MACROD2: variants seen among roughly 807,000 people sequenced by gnomAD.
MACROD2 encodes the protein mono-ADP ribosylhydrolase 2, also known as ADP-ribose glycohydrolase MACROD2.
MACROD2 carries 36 observed loss-of-function variants against 70.4 expected under a neutral mutation model. The observed-to-expected ratio is 0.51, with a 90% CI of 0.39 to 0.68. The LOEUF (loss-of-function observed/expected upper bound fraction) is 0.68. Ranked by LOEUF, MACROD2 falls within the 30% of genes least tolerant of loss-of-function variation. The pLI, the probability that MACROD2 is intolerant of heterozygous loss-of-function variation, is 0.00. For synonymous variants in MACROD2, 172 were observed against 178.8 expected (o/e 0.96, Z 0.30); for missense variants, 496 against 538.4 (o/e 0.92, Z 0.78).
intron 5 of MACROD2, among the ~76,000 whole-genome samples, chr20:14,744,476 A>G (rs2071774119): frequency 6.6e-6 from 1 of 152,030 alleles, no homozygotes; most frequent in Non-Finnish European, 1.5e-5. Context: ...CACTTTACAT[A>G]CACTGTCTTA....
intron 3 of MACROD2, among the ~76,000 whole-genome samples, chr20:14,203,672 G>A (rs1486930459): frequency 6.6e-6 from 1 of 152,200 alleles, no homozygotes; most frequent in East Asian, 1.9e-4. Context: ...AATGGTGTGA[G>A]TTCCTTAGAG....
At chr20:14,402,715 C>G (rs2083650500) in intron 3 of MACROD2, among the ~76,000 whole-genome samples, 1 of 152,110 alleles carries the variant, frequency 6.6e-6, no homozygotes, top group East Asian at 1.9e-4. Flanking sequence ...TTAGAGTTGC[C>G]TAATAGGATC....
At chr20:14,226,678 T>TC (rs2081738618) in intron 3 of MACROD2, among the ~76,000 whole-genome samples, 1 of 151,986 alleles carries the variant, frequency 6.6e-6, no homozygotes. Flanking sequence ...GTGTACTGGG[T>TC]CCCCCAGCAG....
Position 15,485,408 on chromosome 20 carries a change from T to C in MACROD2, c.572-14366T>C, listed in dbSNP as rs571132373. On this transcript the variant is annotated intron_variant, in intron 7 of 17. Transcript: ENST00000684519. Reference sequence around the variant, plus strand: ...CTACTATGAGCACATCCTGAACTTCTTTTCCTGCCCCAGCAGGTTTTCCTG... The same window carrying C: ...CTACTATGAGCACATCCTGAACTTCCTTTCCTGCCCCAGCAGGTTTTCCTG... Among the ~76,000 whole-genome samples, 4 of 152,278 alleles carry C rather than the reference T, an allele frequency of 2.6e-5. No individual in the cohort carries two copies. The East Asian group carries it at 7.7e-4, about 29-fold the overall frequency.
At chr20:15,458,892 G>A (rs11906045) in intron 7 of MACROD2, among the ~76,000 whole-genome samples, 3,694 of 152,152 alleles carry the variant, frequency 0.024, 158 homozygotes, top group African/African-American at 0.082. Flanking sequence ...CCCCTCAGTG[G>A]TGCGTACTGT....
intron 6 of MACROD2, among the ~76,000 whole-genome samples, chr20:15,384,515 G>A (rs6043246): frequency 6.6e-6 from 1 of 152,086 alleles, no homozygotes; most frequent in Non-Finnish European, 1.5e-5. Flanking sequence ...ATGAAACCTC[G>A]TAAGTGTGAA....
chr20:14,697,644 CA>C, intron 5 of MACROD2, among the ~76,000 whole-genome samples: 1 of 152,278 alleles, frequency 6.6e-6, no homozygotes, highest in East Asian at 1.9e-4. Flanking sequence ...CCCATATTCT[CA>C]TTTTTTTTCT....
intron 3 of MACROD2, among the ~76,000 whole-genome samples, chr20:14,172,839 G>A (rs1361896306): frequency 1.3e-5 from 2 of 152,080 alleles, no homozygotes; most frequent in Non-Finnish European, 2.9e-5. Context: ...TGCTGGTTTG[G>A]TAGTGGTGAA....
chr20:14,049,182 A>AC (rs1443724412), intron 2 of MACROD2, among the ~76,000 whole-genome samples: 76 of 97,340 alleles, frequency 7.8e-4, no homozygotes, highest in African/African-American at 2.2e-3. Flanking sequence ...AATAAAAAAA[A>AC]AAAAAAACAA....
chr20:14,205,084 A>T (rs1234860353), intron 3 of MACROD2, among the ~76,000 whole-genome samples: 4 of 152,174 alleles, frequency 2.6e-5, no homozygotes, highest in Admixed American at 1.3e-4. Flanking sequence ...GAAAAGATAG[A>T]TTTGATCAAA....
intron 6 of MACROD2, among the ~76,000 whole-genome samples, chr20:15,378,283 G>GAAAA (rs11087133): frequency 2.3e-5 from 2 of 87,570 alleles, no homozygotes; most frequent in Admixed American, 2.5e-4. Context: ...CAATAAAATT[G>GAAAA]AAAAAAAAAA....
At chr20:15,537,334 G>A (rs181813818) in intron 8 of MACROD2, among the ~76,000 whole-genome samples, 1 of 152,048 alleles carries the variant, frequency 6.6e-6, no homozygotes, top group Admixed American at 6.5e-5. Context: ...AAATTACCCA[G>A]TCTTGGGTAT....
chr20:14,794,637 A>G (rs1048148986), intron 5 of MACROD2, among the ~76,000 whole-genome samples: 11 of 152,152 alleles, frequency 7.2e-5, no homozygotes, highest in Non-Finnish European at 1.0e-4. Context: ...ACAAGTTTGC[A>G]TGTTGTTGAA....
chr20:14,331,885 G>C (rs1040604316), intron 3 of MACROD2, among the ~76,000 whole-genome samples: 4 of 152,078 alleles, frequency 2.6e-5, no homozygotes, highest in African/African-American at 9.7e-5. Flanking sequence ...CATGGACACT[G>C]TGGCCAGGTT....
At chr20:14,404,609 T>A (rs961824061) in intron 3 of MACROD2, among the ~76,000 whole-genome samples, 8 of 132,758 alleles carry the variant, frequency 6.0e-5, no homozygotes, top group South Asian at 2.6e-4. Flanking sequence ...AAAAAAAAAA[T>A]AATAATATAT....
chr20:15,568,527 T>C (rs11906499), intron 8 of MACROD2, among the ~76,000 whole-genome samples: 2,558 of 152,246 alleles, frequency 0.017, 59 homozygotes, highest in African/African-American at 0.058. Flanking sequence ...ACCCTCAACA[T>C]AGGGCCTCTA....
At chr20:14,190,857 G>A (rs1021695545) in intron 3 of MACROD2, among the ~76,000 whole-genome samples, 7 of 150,622 alleles carry the variant, frequency 4.6e-5, no homozygotes, top group South Asian at 2.1e-4. Flanking sequence ...ATAGGCGCCC[G>A]CCACTACGCC....
chr20:14,252,260 G>T (rs546925736), intron 3 of MACROD2, among the ~76,000 whole-genome samples: 1 of 152,034 alleles, frequency 6.6e-6, no homozygotes, highest in African/African-American at 2.4e-5. Flanking sequence ...TTGTGAGTGG[G>T]TGATGTGAGC....
intron 6 of MACROD2, among the ~76,000 whole-genome samples, chr20:15,370,597 G>T (rs757830769): frequency 1.3e-5 from 2 of 151,832 alleles, no homozygotes; most frequent in Non-Finnish European, 2.9e-5. Context: ...AAAAAAATAC[G>T]GTTGATGCAG....
Sources: allele counts gnomAD v4.1 joint callset (sites outside exome capture counted in the v4.1 genomes callset), GRCh38; gene constraint gnomAD v4.1.1; transcripts MANE v1.5; gene names NCBI Gene and HGNC (gene_info 2026-07-23, HGNC 2026-07-21).